NAALADL2: variants seen among roughly 807,000 people sequenced by gnomAD.
NAALADL2 encodes inactive N-acetylated-alpha-linked acidic dipeptidase-like protein 2.
In NAALADL2, 76 loss-of-function variants were observed where a neutral mutation model predicts 87.2. The observed-to-expected ratio is 0.87, with a 90% confidence interval of 0.72 to 1.05. NAALADL2 has a LOEUF of 1.05. Among genes scored for constraint, NAALADL2 ranks in the 50% least tolerant of loss-of-function variants. NAALADL2 has a pLI of 0.00. For synonymous variants in NAALADL2, 354 were observed against 331.0 expected (o/e 1.07, Z -0.75); for missense variants, 1,089 against 945.8 (o/e 1.15, Z -1.99).
At chr3:174,711,940 C>T (rs1280174791) in intron 2 of NAALADL2, among the ~76,000 whole-genome samples, 1 of 152,136 alleles carries the variant, frequency 6.6e-6, no homozygotes, top group Non-Finnish European at 1.5e-5. Context: ...GCTGGGACTA[C>T]AGGCGCATGC....
At chr3:175,333,489 T>C (rs1761641812) in intron 5 of NAALADL2, among the ~76,000 whole-genome samples, 1 of 152,136 alleles carries the variant, frequency 6.6e-6, no homozygotes, top group Non-Finnish European at 1.5e-5. Flanking sequence ...TATTTAGCCA[T>C]CAAAGAAATG....
chr3:175,323,151 T>C, intron 4 of NAALADL2, among the ~76,000 whole-genome samples: 1 of 145,966 alleles, frequency 6.9e-6, no homozygotes, highest in African/African-American at 2.6e-5. Flanking sequence ...TGGAATACTA[T>C]GCAGCCATAA....
chr3:175,422,778 T>C (rs941675398), intron 5 of NAALADL2, among the ~76,000 whole-genome samples: 2 of 151,918 alleles, frequency 1.3e-5, no homozygotes, highest in Non-Finnish European at 1.5e-5. Context: ...GACAGCACCA[T>C]TGAACACATA....
chr3:175,679,265 TTAAAG>T (rs929447490), intron 11 of NAALADL2, among the ~76,000 whole-genome samples: 4 of 146,802 alleles, frequency 2.7e-5, no homozygotes, highest in Admixed American at 2.7e-4. Context: ...ACCCTAGAAC[TTAAAG>T]TATAGTTAAA....
At chr3:174,610,742 G>A (rs1231067562) in intron 2 of NAALADL2, among the ~76,000 whole-genome samples, 4 of 82,512 alleles carry the variant, frequency 4.8e-5, no homozygotes, top group Non-Finnish European at 8.4e-5. Context: ...TTCAACCATT[G>A]TGCAATCAGT....
At chr3:175,701,764 C>T (rs1739034709) in intron 11 of NAALADL2, among the ~76,000 whole-genome samples, 1 of 152,124 alleles carries the variant, frequency 6.6e-6, no homozygotes, top group African/African-American at 2.4e-5. Context: ...AGTAATATCT[C>T]CATTTGTGTT....
intron 11 of NAALADL2, among the ~76,000 whole-genome samples, chr3:175,650,681 A>G (rs1168997736): frequency 1.3e-5 from 2 of 152,150 alleles, no homozygotes; most frequent in Non-Finnish European, 2.9e-5. Flanking sequence ...TCCTGCTTTA[A>G]GGGAAGATGT....
chr3:174,530,002 T>G (rs550852823), intron 1 of NAALADL2, among the ~76,000 whole-genome samples: 8 of 152,326 alleles, frequency 5.3e-5, no homozygotes, highest in African/African-American at 1.9e-4. Context: ...AACACAAATT[T>G]CTGCAGCCGG....
At chr3:175,671,547 CAAAG>C (rs1234189524) in intron 11 of NAALADL2, among the ~76,000 whole-genome samples, 31 of 151,828 alleles carry the variant, frequency 2.0e-4, no homozygotes, top group Non-Finnish European at 7.4e-5. Flanking sequence ...TTGTTTGCCC[CAAAG>C]AGTTAATCAC....
intron 2 of NAALADL2, among the ~76,000 whole-genome samples, chr3:174,577,346 G>A (rs948679838): frequency 6.6e-6 from 1 of 152,116 alleles, no homozygotes; most frequent in African/African-American, 2.4e-5. Flanking sequence ...TTATAGAAGA[G>A]TATATTGATT....
chr3:174,888,964 A>T (rs1730543059), intron 1 of NAALADL2, among the ~76,000 whole-genome samples: 1 of 152,164 alleles, frequency 6.6e-6, no homozygotes, highest in South Asian at 2.1e-4. Flanking sequence ...AAACTTTGTC[A>T]TTGTTTCCTA....
At chr3:174,985,615 A>G (rs79180282) in intron 1 of NAALADL2, among the ~76,000 whole-genome samples, 3,704 of 152,226 alleles carry the variant, frequency 0.024, 139 homozygotes, top group African/African-American at 0.084. Flanking sequence ...CAAAAGTGGT[A>G]TTATATTGGA....
chr3:175,629,226 T>C (rs1383583749), intron 11 of NAALADL2, among the ~76,000 whole-genome samples: 1 of 148,862 alleles, frequency 6.7e-6, no homozygotes, highest in Non-Finnish European at 1.5e-5. Context: ...AATGAATTCA[T>C]ATATATTCAT....
intron 2 of NAALADL2, among the ~76,000 whole-genome samples, chr3:174,698,314 T>A (rs1182341413): frequency 3.9e-5 from 6 of 152,092 alleles, no homozygotes; most frequent in Admixed American, 3.9e-4. Context: ...ATAGATTTTA[T>A]CTGATGCTGT....
chr3:175,472,435 G>C (rs541185520), intron 9 of NAALADL2, among the ~76,000 whole-genome samples: 2 of 152,024 alleles, frequency 1.3e-5, no homozygotes, highest in Non-Finnish European at 2.9e-5. Flanking sequence ...TTTCACTACA[G>C]ATAAAATATG....
chr3:175,046,132 T>G lies in NAALADL2; in HGVS notation c.44-50658T>G, dbSNP rs143148094. Among the ~76,000 whole-genome samples the G allele has an allele frequency of 7.9e-5, 12 of 152,236 alleles. No individual in the cohort carries two copies. In the East Asian group the frequency reaches 2.3e-3, roughly 29 times the overall value. ...AAGTGGAAAAGTACAATGTATTTTC[T>G]AAGGTGATTAACCCTAAGGTGATTT... On this transcript the variant is annotated intron_variant, in intron 1 of 13. Coordinates refer to ENST00000454872, the MANE Select transcript of NAALADL2 (RefSeq NM_207015.3).
intron 2 of NAALADL2, among the ~76,000 whole-genome samples, chr3:175,143,494 G>A (rs375511719): frequency 6.8e-6 from 1 of 146,980 alleles, no homozygotes; most frequent in Non-Finnish European, 1.5e-5. Context: ...GACTTGTTTG[G>A]CATCTCAATA....
intron 4 of NAALADL2, among the ~76,000 whole-genome samples, chr3:175,323,305 A>G (rs1760176620): frequency 1.6e-5 from 2 of 125,822 alleles, no homozygotes; most frequent in Admixed American, 1.9e-4. Context: ...ACATGGACAC[A>G]GGAAGGGGAA....
intron 9 of NAALADL2, among the ~76,000 whole-genome samples, chr3:175,507,929 C>T (rs1730579968): frequency 6.6e-6 from 1 of 152,070 alleles, no homozygotes; most frequent in Non-Finnish European, 1.5e-5. Context: ...TGGGTGGTTC[C>T]TAAAGAAAAG....
Sources: allele counts gnomAD v4.1 joint callset (sites outside exome capture counted in the v4.1 genomes callset), GRCh38; gene constraint gnomAD v4.1.1; transcripts MANE v1.5; gene names NCBI Gene and HGNC (gene_info 2026-07-23, HGNC 2026-07-21).